The following FAF1 variants were observed in gnomAD, a reference collection of about 807,000 sequenced individuals.
FAF1 encodes Fas associated factor 1.
FAF1 carries 25 observed loss-of-function variants against 92.5 expected under a neutral mutation model. The observed-to-expected ratio is 0.27, with a 90% CI of 0.20 to 0.38. The LOEUF is 0.38. Ranked by LOEUF, FAF1 falls within the 10% of genes least tolerant of loss-of-function variation. FAF1 has a pLI of 1.00. For missense variants in FAF1, 636 were observed against 793.3 expected, an observed-to-expected ratio of 0.80 and a Z score of 2.38; for synonymous variants, 234 against 273.2, an observed-to-expected ratio of 0.86 and a Z score of 1.42.
intron 4 of FAF1, among the ~76,000 whole-genome samples, chr1:50,773,586 T>C (rs943284372): frequency 1.3e-5 from 2 of 152,022 alleles, no homozygotes; most frequent in Admixed American, 6.6e-5. Context: ...GAAAGACAAA[T>C]ATCACACACA....
intron 12 of FAF1, among the ~76,000 whole-genome samples, chr1:50,580,531 G>T (rs931509160): frequency 3.3e-4 from 50 of 151,546 alleles, no homozygotes; most frequent in Middle Eastern, 3.4e-3. Flanking sequence ...TACTTTTTCT[G>T]TATTAAAATT....
At chr1:50,495,821 T>C (rs1646891338) in intron 15 of FAF1, among the ~76,000 whole-genome samples, 1 of 152,210 alleles carries the variant, frequency 6.6e-6, no homozygotes, top group Admixed American at 6.5e-5. Flanking sequence ...GGTGAGATGA[T>C]ATCTTACTGT....
At chr1:50,649,143 T>C (rs972023006) in intron 8 of FAF1, among the ~76,000 whole-genome samples, 7 of 151,616 alleles carry the variant, frequency 4.6e-5, no homozygotes, top group African/African-American at 1.5e-4. Context: ...TTTCATTTTA[T>C]GTATTTATTC....
chr1:50,945,328 C>T (rs150319209), intron 1 of FAF1, among the ~76,000 whole-genome samples: 54 of 152,178 alleles, frequency 3.5e-4, no homozygotes, highest in African/African-American at 1.2e-3. Context: ...GAGTGAGGCA[C>T]CACTGATAGG....
intron 13 of FAF1, 32 bp from the exon 14 acceptor site, chr1:50,539,760 G>C (rs1432229892): frequency 6.4e-7 from 1 of 1,563,150 alleles, no homozygotes; most frequent in Non-Finnish European, 8.8e-7. Context: ...AGTAAGTTTT[G>C]CTTTGTAGTT....
chr1:50,593,535 C>T (rs747863301), intron 9 of FAF1, among the ~76,000 whole-genome samples: 25 of 152,074 alleles, frequency 1.6e-4, no homozygotes, highest in Non-Finnish European at 2.5e-4. Flanking sequence ...AAATTATGTC[C>T]GGCAATTTCT....
chr1:50,768,464 CA>C (rs1331194524), intron 4 of FAF1, among the ~76,000 whole-genome samples: 1 of 151,910 alleles, frequency 6.6e-6, no homozygotes, highest in Non-Finnish European at 1.5e-5. Flanking sequence ...ACTCTACACC[CA>C]AAAACAACAA....
rs77024124 is a variant in FAF1, at chr1:50,622,767, C to G, written c.745-26551G>C. 2.9e-3 allele frequency among the ~76,000 whole-genome samples: 436 copies of G among 152,192 alleles called. 4 individuals carry two copies. Among genetic ancestry groups the G allele is most frequent in the African/African-American group, 1.0e-2 (414 of 41,512 alleles). ...GACACCTACTATGACCTCCTCTTTACTAAAGTGGGATATCCCTGAAAATAC... is the reference window on the plus strand; with the variant it reads ...GACACCTACTATGACCTCCTCTTTAGTAAAGTGGGATATCCCTGAAAATAC... On this transcript the variant is annotated intron_variant, in intron 8 of 18. Transcript: ENST00000396153.
chr1:50,922,942 T>A (rs1644977244), intron 1 of FAF1, among the ~76,000 whole-genome samples: 1 of 151,348 alleles, frequency 6.6e-6, no homozygotes, highest in Non-Finnish European at 1.5e-5. Context: ...GAAGTCATCA[T>A]AACTGATACC....
chr1:50,677,550 A>C (rs547000459), intron 7 of FAF1, among the ~76,000 whole-genome samples: 1 of 152,322 alleles, frequency 6.6e-6, no homozygotes, highest in South Asian at 2.1e-4. Flanking sequence ...CTGAATGTCA[A>C]TCTGAATAAA....
chr1:50,645,178 C>T (rs1654526499), intron 8 of FAF1, among the ~76,000 whole-genome samples: 1 of 152,170 alleles, frequency 6.6e-6, no homozygotes, highest in Non-Finnish European at 1.5e-5. Flanking sequence ...TTATCCATGA[C>T]CTTCCCAAAT....
intron 1 of FAF1, among the ~76,000 whole-genome samples, chr1:50,922,818 C>CAAAA (rs754253837): frequency 3.2e-4 from 18 of 56,774 alleles, no homozygotes; most frequent in African/African-American, 6.0e-4. Context: ...GAATCCACCA[C>CAAAA]AAAAAAAAAA....
At chr1:50,498,354 T>C (rs1463244567) in intron 15 of FAF1, among the ~76,000 whole-genome samples, 1 of 152,144 alleles carries the variant, frequency 6.6e-6, no homozygotes, top group South Asian at 2.1e-4. Flanking sequence ...GATTAGGCAA[T>C]GATTTCTTTA....
intron 8 of FAF1, among the ~76,000 whole-genome samples, chr1:50,613,925 T>C (rs531938828): frequency 6.6e-6 from 1 of 151,894 alleles, no homozygotes; most frequent in Non-Finnish European, 1.5e-5. Flanking sequence ...AGTGAAACCC[T>C]GTCTATACTA....
intron 1 of FAF1, among the ~76,000 whole-genome samples, chr1:50,875,954 G>A (rs1225399794): frequency 6.6e-6 from 1 of 152,052 alleles, no homozygotes; most frequent in Non-Finnish European, 1.5e-5. Flanking sequence ...GTTTAATTTC[G>A]TATGTGTGTT....
intron 2 of FAF1, among the ~76,000 whole-genome samples, chr1:50,824,363 T>G (rs1041842930): frequency 3.3e-5 from 5 of 152,172 alleles, no homozygotes; most frequent in African/African-American, 4.8e-5. Flanking sequence ...TGAAGATAGT[T>G]ATTATACTGA....
At chr1:50,642,744 T>TAAC (rs1388779609) in intron 8 of FAF1, among the ~76,000 whole-genome samples, 4 of 139,188 alleles carry the variant, frequency 2.9e-5, no homozygotes, top group Non-Finnish European at 6.2e-5. Flanking sequence ...TTTAATGTAA[T>TAAC]TCATACTTAC....
chr1:50,459,241 T>C (rs1169291462), intron 18 of FAF1, among the ~76,000 whole-genome samples: 2 of 152,262 alleles, frequency 1.3e-5, no homozygotes, highest in East Asian at 3.9e-4. Flanking sequence ...TCTAAAGTGC[T>C]GGGATTACAG....
chr1:50,463,356 A>G (rs1052920632), intron 18 of FAF1, among the ~76,000 whole-genome samples: 1 of 152,064 alleles, frequency 6.6e-6, no homozygotes, highest in Non-Finnish European at 1.5e-5. Context: ...TTTGCTTTGT[A>G]TCCTTTTGCT....
Sources: allele counts gnomAD v4.1 joint callset (sites outside exome capture counted in the v4.1 genomes callset), GRCh38; gene constraint gnomAD v4.1.1; transcripts MANE v1.5; gene names NCBI Gene and HGNC (gene_info 2026-07-23, HGNC 2026-07-21).